STK32B: variants seen among roughly 807,000 people sequenced by gnomAD.
STK32B encodes the protein serine/threonine-protein kinase 32B.
A neutral mutation model predicts 52.6 loss-of-function variants in STK32B; 43 were observed. The observed-to-expected ratio is 0.82, with a 90% CI of 0.64 to 1.05. The LOEUF is 1.05. Among genes scored for constraint, STK32B ranks in the 50% least tolerant of loss-of-function variants. The pLI, the probability that STK32B is intolerant of heterozygous loss-of-function variation, is 0.00. For synonymous variants in STK32B, 238 were observed against 204.3 expected (o/e 1.17, Z -1.41); for missense variants, 621 against 534.6 (o/e 1.16, Z -1.59).
At chr4:5,216,978 TGTGA>T (rs2108792157) in intron 3 of STK32B, among the ~76,000 whole-genome samples, 1 of 152,266 alleles carries the variant, frequency 6.6e-6, no homozygotes, top group East Asian at 1.9e-4. Flanking sequence ...AAGGTGTGTA[TGTGA>T]GTGTGTGTTG....
rs972957906 is a variant in STK32B at position 5,102,690 on chromosome 4, C to G, written c.53-37215C>G. Among the ~76,000 whole-genome samples, 4 of 150,992 alleles carry G rather than the reference C, an allele frequency of 2.6e-5. No individual in the cohort carries two copies. In the South Asian group the frequency reaches 6.3e-4, roughly 24 times the overall value. On this transcript the variant is annotated intron_variant, in intron 1 of 11. Transcript: ENST00000282908. ...GAGATTATAGGCACACACCACCATA[C>G]CTGGCTAATTTTTTTTTTTGTTTTT... is the stretch of plus-strand genomic sequence containing the variant.
At chr4:5,268,370 G>A (rs1452624410) in intron 3 of STK32B, among the ~76,000 whole-genome samples, 2 of 152,034 alleles carry the variant, frequency 1.3e-5, no homozygotes, top group East Asian at 1.9e-4. Flanking sequence ...TGCCTCGACC[G>A]CTCTGCCCCA....
At chr4:5,446,550 C>A in intron 6 of STK32B, 123 bp from the exon 7 acceptor site, 1 of 806,978 alleles carries the variant, frequency 1.2e-6, no homozygotes, top group Non-Finnish European at 1.9e-6. Context: ...GAGCAAAACT[C>A]TATCTCAAAA....
chr4:5,135,179 G>C (rs1321067917), intron 1 of STK32B, among the ~76,000 whole-genome samples: 1 of 152,230 alleles, frequency 6.6e-6, no homozygotes, highest in East Asian at 1.9e-4. Flanking sequence ...CACTAACATA[G>C]AATAATATTC....
intron 3 of STK32B, among the ~76,000 whole-genome samples, chr4:5,298,635 C>T (rs922554527): frequency 1.3e-5 from 2 of 152,124 alleles, no homozygotes; most frequent in Non-Finnish European, 2.9e-5. Flanking sequence ...TGCCCCTCCC[C>T]ACCACCAAGT....
intron 3 of STK32B, among the ~76,000 whole-genome samples, chr4:5,248,625 A>G (rs1198413713): frequency 6.6e-6 from 1 of 152,194 alleles, no homozygotes; most frequent in African/African-American, 2.4e-5. Flanking sequence ...AAAGTTGAAT[A>G]TAAAGATACT....
At chr4:5,270,869 A>G (rs1727379261) in intron 3 of STK32B, among the ~76,000 whole-genome samples, 1 of 152,208 alleles carries the variant, frequency 6.6e-6, no homozygotes, top group Non-Finnish European at 1.5e-5. Context: ...GACAAGATCA[A>G]TATATAAAAT....
chr4:5,383,478 G>A (rs913241091), intron 4 of STK32B, among the ~76,000 whole-genome samples: 25 of 152,264 alleles, frequency 1.6e-4, no homozygotes, highest in Non-Finnish European at 3.1e-4. Context: ...TCCCCTGAAC[G>A]AGCCCAGGAC....
At chr4:5,481,718 G>C (rs1174329493) in intron 11 of STK32B, among the ~76,000 whole-genome samples, 1 of 152,138 alleles carries the variant, frequency 6.6e-6, no homozygotes, top group Non-Finnish European at 1.5e-5. Context: ...ATGGTTTTAG[G>C]TCTAACATTT....
intron 3 of STK32B, among the ~76,000 whole-genome samples, chr4:5,314,394 G>T (rs1294260935): frequency 6.6e-6 from 1 of 152,164 alleles, no homozygotes; most frequent in Non-Finnish European, 1.5e-5. Flanking sequence ...ACTCAGCTGG[G>T]CACTGTGGCT....
chr4:5,028,077 G>C, the STK32B span, among the ~76,000 whole-genome samples: 2 of 152,318 alleles, frequency 1.3e-5, no homozygotes, highest in South Asian at 2.1e-4. Flanking sequence ...GCAAATGAAA[G>C]AGTCTGACCA....
intron 3 of STK32B, among the ~76,000 whole-genome samples, chr4:5,307,546 A>ATTTTTTTT (rs769423490): frequency 7.6e-6 from 1 of 131,096 alleles, no homozygotes; most frequent in African/African-American, 3.4e-5. Flanking sequence ...CATATGCTCT[A>ATTTTTTTT]TCTTTTTTTT....
upstream of STK32B, among the ~76,000 whole-genome samples, chr4:5,046,965 T>C (rs1362639594): frequency 6.6e-6 from 1 of 152,236 alleles, no homozygotes; most frequent in East Asian, 1.9e-4. Flanking sequence ...AAATACCATT[T>C]GACCCAGCAG....
In STK32B at chr4:5,380,460, T is replaced by C. The variant is rs1405395685; in HGVS notation, c.435-17747T>C. ...TGCTATGTCTAATTTTGTGAACAGA[T>C]ATTTTGTTCACAGGACAAGAATCCT... is the stretch of plus-strand genomic sequence containing the variant. On this transcript the variant is annotated intron_variant, in intron 4 of 11. Transcript: ENST00000282908. This position sits in a 1 kb window ranked among gnomAD's most constrained non-coding sequence, Gnocchi z 4.3. 6.6e-6 allele frequency among the ~76,000 whole-genome samples: 1 copy of C among 152,166 alleles called. No homozygotes were observed. Among genetic ancestry groups the C allele is most frequent in the African/African-American group, 2.4e-5 (1 of 41,448 alleles).
chr4:5,303,285 T>A (rs915425072), intron 3 of STK32B, among the ~76,000 whole-genome samples: 1 of 152,154 alleles, frequency 6.6e-6, no homozygotes, highest in Non-Finnish European at 1.5e-5. Flanking sequence ...TTGTAGTAGT[T>A]TTCATTCCCA....
chr4:5,354,785 T>TA (rs1245327181), intron 4 of STK32B, among the ~76,000 whole-genome samples: 14 of 152,268 alleles, frequency 9.2e-5, no homozygotes, highest in East Asian at 1.9e-4. Flanking sequence ...CTATGCACAT[T>TA]AAAAAATTGT....
Position 5,312,810 on chromosome 4 carries a change from G to A in STK32B, c.261-18410G>A, listed in dbSNP as rs577834287. 4.1e-3 allele frequency among the ~76,000 whole-genome samples: 623 copies of A among 152,062 alleles called. 3 individuals carry two copies. The highest frequency in any genetic ancestry group is 6.3e-3 in the Non-Finnish European group (429 of 67,992). ...CCTTTGGGTATATACCCAGTAATGG[G>A]ATGGCTGGGTCAAATGGTGTTTCTA... On this transcript the variant is annotated intron_variant, in intron 3 of 11. Coordinates refer to ENST00000282908, the MANE Select transcript of STK32B (RefSeq NM_018401.3).
chr4:5,076,095 A>G (rs17732017), intron 1 of STK32B, among the ~76,000 whole-genome samples: 24,697 of 152,076 alleles, frequency 0.16, 2,299 homozygotes, highest in Non-Finnish European at 0.21. Context: ...GACATTTCAC[A>G]TTTCTGCTTG....
intron 4 of STK32B, among the ~76,000 whole-genome samples, chr4:5,390,154 T>G (rs2109034928): frequency 6.6e-6 from 1 of 152,334 alleles, no homozygotes; most frequent in East Asian, 1.9e-4. Flanking sequence ...TTTGTAGTGG[T>G]TGTTACTGCA....
Sources: gnomAD v4.1 joint callset for allele counts (sites outside exome capture counted in the v4.1 genomes callset) on GRCh38, gnomAD v4.1.1 for gene constraint, Gnocchi (gnomAD v3.1) non-coding constraint, MANE v1.5 for transcripts, NCBI Gene and HGNC (gene_info 2026-07-23, HGNC 2026-07-21) for gene names.